LHFPL4: variants seen among roughly 807,000 people sequenced by gnomAD.
LHFPL4 encodes the protein LHFPL tetraspan subfamily member 4 protein.
LHFPL4 carries 6 observed loss-of-function variants against 20.0 expected under a neutral mutation model. The observed-to-expected ratio is 0.30, with a 90% CI of 0.16 to 0.59. The LOEUF is 0.59. Ranked by LOEUF, LHFPL4 falls within the 20% of genes least tolerant of loss-of-function variation. The probability of loss-of-function intolerance (pLI) is 0.88; values close to 1 mark genes in which losing one functional copy is unlikely to be tolerated. For synonymous variants in LHFPL4, 129 were observed against 143.8 expected (o/e 0.90, Z 0.74); for missense variants, 215 against 331.2 (o/e 0.65, Z 2.72).
intron 2 of LHFPL4, among the ~76,000 whole-genome samples, chr3:9,525,651 A>C (rs926339194): frequency 2.0e-5 from 3 of 152,226 alleles, no homozygotes; most frequent in African/African-American, 7.2e-5. Flanking sequence ...GCATTGCAAC[A>C]ATGAGAAAGA....
At chr3:9,537,862 G>C (rs1329333343) in intron 2 of LHFPL4, among the ~76,000 whole-genome samples, 1 of 151,912 alleles carries the variant, frequency 6.6e-6, no homozygotes, top group South Asian at 2.1e-4. Context: ...GCCTCAAATC[G>C]CCATCCACAG....
chr3:9,534,371 G>T (rs2125663934), intron 2 of LHFPL4, among the ~76,000 whole-genome samples: 1 of 152,284 alleles, frequency 6.6e-6, no homozygotes, highest in South Asian at 2.1e-4. Flanking sequence ...GAATGAGGAA[G>T]CTCCTTATGT....
chr3:9,528,878 G>T (rs563701442), intron 2 of LHFPL4, among the ~76,000 whole-genome samples: 13 of 150,790 alleles, frequency 8.6e-5, no homozygotes, highest in Non-Finnish European at 1.9e-4. Flanking sequence ...ACCTCCCAAA[G>T]TGCTGGGATT....
At chr3:9,502,943 G>T (rs1029666366) in intron 3 of LHFPL4, among the ~76,000 whole-genome samples, 1 of 152,056 alleles carries the variant, frequency 6.6e-6, no homozygotes, top group Non-Finnish European at 1.5e-5. Context: ...TGCTGGAAAT[G>T]GAAGCAATTT....
chr3:9,523,993 C>CCG (rs1553647672), intron 2 of LHFPL4, among the ~76,000 whole-genome samples: 98 of 142,362 alleles, frequency 6.9e-4, no homozygotes, highest in African/African-American at 2.5e-3. Flanking sequence ...TCCCCCCCCC[C>CCG]CAACACTTTA....
chr3:9,535,788 T>C (rs1164978252), intron 2 of LHFPL4, among the ~76,000 whole-genome samples: 1 of 151,880 alleles, frequency 6.6e-6, no homozygotes, highest in Non-Finnish European at 1.5e-5. Flanking sequence ...CTTGCTTTCC[T>C]ATATTTTTAT....
chr3:9,505,759 A>T (rs2046213509), intron 3 of LHFPL4, among the ~76,000 whole-genome samples: 1 of 150,906 alleles, frequency 6.6e-6, no homozygotes, highest in Admixed American at 6.6e-5. Flanking sequence ...GGATTTCACC[A>T]TGTTGACCAG....
chr3:9,513,039 A>G (rs755381967), intron 2 of LHFPL4, among the ~76,000 whole-genome samples: 107 of 151,920 alleles, frequency 7.0e-4, no homozygotes, highest in Non-Finnish European at 1.3e-3. Context: ...GGCTCACTGC[A>G]AGCTCCGCCT....
chr3:9,547,509 T>A (rs1379574645), intron 2 of LHFPL4, among the ~76,000 whole-genome samples: 1 of 152,250 alleles, frequency 6.6e-6, no homozygotes, highest in Non-Finnish European at 1.5e-5. Flanking sequence ...AGATCTGTAT[T>A]AGACTTGCGT....
intron 2 of LHFPL4, among the ~76,000 whole-genome samples, chr3:9,516,766 G>A (rs539087114): frequency 1.2e-4 from 18 of 147,254 alleles, no homozygotes; most frequent in African/African-American, 2.8e-4. Context: ...GAGCCATTGC[G>A]CCCAGCCACA....
chr3:9,530,472 T>G (rs1366405609), intron 2 of LHFPL4, among the ~76,000 whole-genome samples: 3 of 152,238 alleles, frequency 2.0e-5, no homozygotes, highest in Non-Finnish European at 4.4e-5. Context: ...CTTCACAGAA[T>G]GGAACAGAGT....
chr3:9,507,354 T>A (rs1288154169), intron 2 of LHFPL4, among the ~76,000 whole-genome samples: 1 of 152,162 alleles, frequency 6.6e-6, no homozygotes. Flanking sequence ...GGCTCAGCTA[T>A]TTTCTAGATA....
intron 2 of LHFPL4, among the ~76,000 whole-genome samples, chr3:9,532,079 A>G (rs56885864): frequency 9.2e-5 from 14 of 152,150 alleles, no homozygotes; most frequent in African/African-American, 3.4e-4. Context: ...AGGCTGGAGT[A>G]CAGTGGCACA....
intron 3 of LHFPL4, among the ~76,000 whole-genome samples, chr3:9,505,234 G>T (rs2046208671): frequency 6.6e-6 from 1 of 151,494 alleles, no homozygotes; most frequent in African/African-American, 2.4e-5. Flanking sequence ...AAAGGTGGTT[G>T]TACTGTCAGG....
chr3:9,550,644 G>A (rs528116310), intron 2 of LHFPL4: 1 of 152,302 alleles, frequency 6.6e-6, no homozygotes, highest in East Asian at 1.9e-4. Context: ...ATGAGTTGAG[G>A]ATTCCAGCTT....
chr3:9,548,396 C>T (rs1397244219), intron 2 of LHFPL4, among the ~76,000 whole-genome samples: 1 of 152,052 alleles, frequency 6.6e-6, no homozygotes, highest in Non-Finnish European at 1.5e-5. Context: ...CCCCATAATT[C>T]CTTCCTCTCC....
At chr3:9,515,483 C>T (rs1372842982) in intron 2 of LHFPL4, among the ~76,000 whole-genome samples, 2 of 151,984 alleles carry the variant, frequency 1.3e-5, no homozygotes, top group African/African-American at 2.4e-5. Context: ...AAGCAATTCT[C>T]CTGCCTCAGC....
intron 2 of LHFPL4, among the ~76,000 whole-genome samples, chr3:9,517,801 G>GTTTTTTTTT (rs1162876826): frequency 1.3e-5 from 1 of 75,574 alleles, no homozygotes; most frequent in East Asian, 2.4e-4. Flanking sequence ...GGGTTTTTTT[G>GTTTTTTTTT]TTTTTTGTTT....
At chr3:9,527,712 C>T (rs1337014409) in intron 2 of LHFPL4, among the ~76,000 whole-genome samples, 1 of 151,644 alleles carries the variant, frequency 6.6e-6, no homozygotes, top group African/African-American at 2.4e-5. Flanking sequence ...GTCTGAAAAA[C>T]AAAAACAAAA....
Sources: gnomAD v4.1 joint callset for allele counts (sites outside exome capture counted in the v4.1 genomes callset) on GRCh38, gnomAD v4.1.1 for gene constraint, MANE v1.5 for transcripts, NCBI Gene and HGNC (gene_info 2026-07-23, HGNC 2026-07-21) for gene names.